The following NRF1 variants were observed in gnomAD, a reference collection of about 807,000 sequenced individuals.
NRF1 encodes nuclear respiratory factor 1, also known as alpha palindromic-binding protein.
A neutral mutation model predicts 58.5 loss-of-function variants in NRF1; 5 were observed. The ratio of observed to expected loss-of-function variants is 0.09; its 90% CI spans 0.04 to 0.18. The LOEUF is 0.18. Ranked by LOEUF, NRF1 falls within the 10% of genes least tolerant of loss-of-function variation. NRF1 has a pLI of 1.00. For missense variants in NRF1, 288 were observed against 657.7 expected (o/e 0.44, Z 6.15); for synonymous variants, 224 against 246.7 (o/e 0.91, Z 0.86).
At chr7:129,644,904 G>C (rs1340509248) in intron 1 of NRF1, among the ~76,000 whole-genome samples, 1 of 152,086 alleles carries the variant, frequency 6.6e-6, no homozygotes, top group Admixed American at 6.6e-5. Context: ...TGTATGTGTA[G>C]CATTTTTCTA....
At chr7:129,619,537 A>T (rs1306801259) in intron 1 of NRF1, among the ~76,000 whole-genome samples, 8 of 139,102 alleles carry the variant, frequency 5.8e-5, no homozygotes, top group Non-Finnish European at 4.6e-5. Flanking sequence ...GGGAACCATG[A>T]TAGTTTAGAC....
At chr7:129,736,866 G>A (rs190726876) in intron 10 of NRF1, among the ~76,000 whole-genome samples, 1 of 152,290 alleles carries the variant, frequency 6.6e-6, no homozygotes, top group Non-Finnish European at 1.5e-5. Flanking sequence ...AGGTCCCGCA[G>A]AGCTGGAGAC....
At chr7:129,754,564 G>T (rs1016256429) in intron 10 of NRF1, among the ~76,000 whole-genome samples, 7 of 151,816 alleles carry the variant, frequency 4.6e-5, no homozygotes, top group African/African-American at 1.7e-4. Flanking sequence ...GTTGGGGAGG[G>T]GGGCAGGAGA....
At chr7:129,621,781 A>ATT (rs11286994) in intron 1 of NRF1, among the ~76,000 whole-genome samples, 31 of 128,668 alleles carry the variant, frequency 2.4e-4, no homozygotes, top group Middle Eastern at 3.9e-3. Context: ...TCTCCATAGA[A>ATT]TTTTTTTTTT....
chr7:129,673,526 G>A (rs1194568084), intron 3 of NRF1, among the ~76,000 whole-genome samples: 3 of 150,568 alleles, frequency 2.0e-5, no homozygotes, highest in Non-Finnish European at 3.0e-5. Flanking sequence ...TCAGGAGATC[G>A]AGACCATGGT....
At chr7:129,674,879 C>T (rs888544173) in intron 3 of NRF1, among the ~76,000 whole-genome samples, 2 of 152,124 alleles carry the variant, frequency 1.3e-5, no homozygotes, top group Non-Finnish European at 2.9e-5. Flanking sequence ...GGGGTGGCTG[C>T]GGCAATTTCT....
intron 1 of NRF1, among the ~76,000 whole-genome samples, chr7:129,613,681 C>G (rs900686323): frequency 4.0e-5 from 6 of 151,494 alleles, no homozygotes; most frequent in Non-Finnish European, 7.4e-5. Flanking sequence ...GGTGGATCAC[C>G]TGAGGTCAGG....
At chr7:129,738,008 G>A (rs1273556506) in intron 10 of NRF1, among the ~76,000 whole-genome samples, 1 of 152,160 alleles carries the variant, frequency 6.6e-6, no homozygotes, top group Non-Finnish European at 1.5e-5. Context: ...TGGTAGCTGT[G>A]GATTTTTAGG....
intron 2 of NRF1, 126 bp downstream of exon 2, chr7:129,657,700 TC>T: frequency 1.6e-6 from 1 of 644,880 alleles, no homozygotes; most frequent in Non-Finnish European, 2.6e-6. Flanking sequence ...GCCTTGATCT[TC>T]CGGGTTCAAG....
At chr7:129,645,805 C>G (rs1159139398) in intron 1 of NRF1, among the ~76,000 whole-genome samples, 2 of 152,142 alleles carry the variant, frequency 1.3e-5, no homozygotes, top group African/African-American at 4.8e-5. Flanking sequence ...GCTCCCTTCT[C>G]ACTTCTAAGT....
intron 10 of NRF1, among the ~76,000 whole-genome samples, chr7:129,732,081 G>A: frequency 6.6e-6 from 1 of 152,196 alleles, no homozygotes. Context: ...AGGACTGACA[G>A]ATACAGGCAT....
At chr7:129,650,320 A>G (rs1345543213) in intron 1 of NRF1, among the ~76,000 whole-genome samples, 3 of 152,068 alleles carry the variant, frequency 2.0e-5, no homozygotes, top group Non-Finnish European at 4.4e-5. Context: ...ATATCAGTTC[A>G]GAGGAATCAC....
At chr7:129,683,522 G>T (rs1333567516) in intron 4 of NRF1, among the ~76,000 whole-genome samples, 1 of 151,556 alleles carries the variant, frequency 6.6e-6, no homozygotes, top group Non-Finnish European at 1.5e-5. Flanking sequence ...TAGAGACGGG[G>T]TTTCACCATG....
intron 2 of NRF1, among the ~76,000 whole-genome samples, chr7:129,663,170 G>A (rs374956536): frequency 7.4e-4 from 113 of 152,078 alleles, no homozygotes; most frequent in African/African-American, 2.5e-3. Flanking sequence ...CACAGACACA[G>A]TACAAATCTG....
chr7:129,715,978 C>T (rs1007706030), intron 8 of NRF1, among the ~76,000 whole-genome samples: 2 of 151,162 alleles, frequency 1.3e-5, no homozygotes, highest in Admixed American at 1.3e-4. Flanking sequence ...GCACTCCAGC[C>T]TGGGCAACAA....
Position 129,755,132 on chromosome 7 carries a change from C to T in NRF1, c.1463C>T (p.Ala488Val), listed in dbSNP as rs1804221965. The T allele has an allele frequency of 6.2e-7, 1 of 1,613,728 alleles. No homozygotes were observed. The highest frequency in any genetic ancestry group is 8.5e-7 in the Non-Finnish European group (1 of 1,179,950). Reference protein sequence around the residue: ...APVTTRISDSAVTMDGQAVEV... With the variant: ...APVTTRISDSVVTMDGQAVEV... Reference sequence around the variant, plus strand: ...GTGACCACCAGGATATCAGACAGCGCAGTCACCATGGACGGCCAAGCTGTG... The same window carrying T: ...GTGACCACCAGGATATCAGACAGCGTAGTCACCATGGACGGCCAAGCTGTG... Residue 488 changes from alanine to valine, a missense_variant, in exon 11 of 11, where the codon GCA becomes GTA. Coordinates refer to ENST00000393232, the MANE Select transcript of NRF1 (RefSeq NM_005011.5). The surrounding 1 kb of genome is among the most constrained non-coding windows in gnomAD (Gnocchi z 5.8).
intron 8 of NRF1, among the ~76,000 whole-genome samples, chr7:129,711,918 A>G (rs1379196573): frequency 6.6e-6 from 1 of 152,196 alleles, no homozygotes; most frequent in East Asian, 1.9e-4. Flanking sequence ...AAAATGTCAC[A>G]TTAAAACTGG....
At chr7:129,658,886 C>T (rs927102868) in intron 2 of NRF1, among the ~76,000 whole-genome samples, 2 of 152,024 alleles carry the variant, frequency 1.3e-5, no homozygotes, top group Non-Finnish European at 2.9e-5. Flanking sequence ...ATTTGTATAG[C>T]ATTTACACTG....
chr7:129,632,469 T>C (rs1801070981), intron 1 of NRF1, among the ~76,000 whole-genome samples: 4 of 152,168 alleles, frequency 2.6e-5, no homozygotes. Flanking sequence ...AAATTCCATA[T>C]ACCTACTACC....
Sources: allele counts gnomAD v4.1 joint callset (sites outside exome capture counted in the v4.1 genomes callset), GRCh38; gene constraint gnomAD v4.1.1; non-coding constraint Gnocchi (gnomAD v3.1); transcripts MANE v1.5; gene names NCBI Gene and HGNC (gene_info 2026-07-23, HGNC 2026-07-21).